FNTB: variants seen among roughly 807,000 people sequenced by gnomAD.
FNTB encodes the protein farnesyltransferase, CAAX box, subunit beta.
A neutral mutation model predicts 59.4 loss-of-function variants in FNTB; 27 were observed. That is an observed-to-expected ratio of 0.45 (90% confidence interval 0.34 to 0.63). FNTB has a LOEUF of 0.63. FNTB is among the 20% of genes least tolerant of loss of function. The pLI is 0.02. For missense variants in FNTB, 449 were observed against 559.6 expected, an observed-to-expected ratio of 0.80 and a Z score of 1.99; for synonymous variants, 230 against 220.7, an observed-to-expected ratio of 1.04 and a Z score of -0.37.
chr14:64,993,840 T>A (rs534673339), intron 1 of FNTB, among the ~76,000 whole-genome samples: 18 of 141,938 alleles, frequency 1.3e-4, no homozygotes, highest in African/African-American at 4.2e-4. Context: ...TTGGATTTCT[T>A]TTTTTTTTTC....
chr14:65,038,846 T>G (rs1230246244), intron 7 of FNTB, among the ~76,000 whole-genome samples: 1 of 152,246 alleles, frequency 6.6e-6, no homozygotes, highest in East Asian at 1.9e-4. Context: ...ATTTTTGTAA[T>G]CCTATTTTTA....
chr14:65,040,281 GTGTATA>G (rs2062316789), intron 7 of FNTB, among the ~76,000 whole-genome samples: 1 of 148,592 alleles, frequency 6.7e-6, no homozygotes, highest in Non-Finnish European at 1.5e-5. Flanking sequence ...ATATATATGT[GTGTATA>G]TATATATATG....
intron 4 of FNTB, 109 bp downstream of exon 4, chr14:65,015,825 C>A: frequency 7.8e-7 from 1 of 1,289,110 alleles, no homozygotes; most frequent in Non-Finnish European, 1.1e-6. Flanking sequence ...AACAGTGCCA[C>A]AAAGAAATCT....
chr14:65,005,449 TTTTCTTTCTTTCTTTCTTTCTTTC>T (rs71123898), intron 2 of FNTB, among the ~76,000 whole-genome samples: 8 of 119,912 alleles, frequency 6.7e-5, no homozygotes, highest in South Asian at 6.1e-4. Flanking sequence ...TCTTCCTTTC[TTTTCTTTCTTTCTTTCTTTCTTTC>T]TTTCTTTCTT....
At chr14:64,987,870 C>A (rs1171827938) in intron 1 of FNTB, among the ~76,000 whole-genome samples, 1 of 152,046 alleles carries the variant, frequency 6.6e-6, no homozygotes. Context: ...CTTCTTATTC[C>A]CTAATTGGAA....
rs1350488718 is a variant in FNTB, at chr14:65,044,952, C to G, written c.955+509C>G. Among the ~76,000 whole-genome samples, 1 of 152,170 alleles carries G rather than the reference C, an allele frequency of 6.6e-6. No homozygotes were observed. Among genetic ancestry groups the G allele is most frequent in the African/African-American group, 2.4e-5 (1 of 41,438 alleles). ...TGGAGAAGAGACTCGCCGTGTCTGA[C>G]TGGCTGCAGAGTTGTCACTATTAGA... On this transcript the variant is annotated intron_variant, in intron 9 of 11. Transcript: ENST00000246166. This position sits in a 1 kb window ranked among gnomAD's most constrained non-coding sequence, Gnocchi z 5.5.
At chr14:65,049,125 TAAAA>T (rs59771962) in intron 9 of FNTB, among the ~76,000 whole-genome samples, 6 of 139,722 alleles carry the variant, frequency 4.3e-5, no homozygotes, top group East Asian at 2.1e-4. Context: ...GGACTCCGTC[TAAAA>T]AAAAAAAAAA....
chr14:65,021,683 T>TC (rs1414801747), intron 4 of FNTB, among the ~76,000 whole-genome samples: 1 of 152,156 alleles, frequency 6.6e-6, no homozygotes, highest in African/African-American at 2.4e-5. Context: ...TCTTGCTGTG[T>TC]CCCCCAGGCT....
In FNTB at chr14:65,004,327, A is replaced by T. The variant is rs770136544; in HGVS notation, c.209+14A>T. The T allele has an allele frequency of 3.1e-6, 5 of 1,611,604 alleles. No homozygotes were observed. In the South Asian group the frequency reaches 3.3e-5, roughly 11 times the overall value. ...CCTTGTACCAAGGTAAGCTGTGGTTAGGAGTTTGAGGGGATCTGGGAGAAC... is the reference window on the plus strand; with the variant it reads ...CCTTGTACCAAGGTAAGCTGTGGTTTGGAGTTTGAGGGGATCTGGGAGAAC... On this transcript the variant is annotated intron_variant, in intron 2 of 11. Transcript: ENST00000246166.
intron 2 of FNTB, chr14:65,006,156 CTTTTTTT>C: frequency 6.7e-7 from 1 of 1,500,744 alleles, no homozygotes; most frequent in Non-Finnish European, 8.9e-7. Flanking sequence ...ACCTTTGTGT[CTTTTTTT>C]TTTTTTTTTT....
chr14:64,988,712 G>T (rs1422029670), intron 1 of FNTB, among the ~76,000 whole-genome samples: 1 of 152,124 alleles, frequency 6.6e-6, no homozygotes, highest in Non-Finnish European at 1.5e-5. Context: ...GATTACAGTC[G>T]TGAGCCACTG....
chr14:65,046,687 C>T (rs1443599565), intron 9 of FNTB, among the ~76,000 whole-genome samples: 1 of 151,910 alleles, frequency 6.6e-6, no homozygotes, highest in Non-Finnish European at 1.5e-5. Flanking sequence ...GAAAGGAGGG[C>T]AAAATACTGA....
At chr14:65,036,550 T>G (rs1169722217) in intron 7 of FNTB, among the ~76,000 whole-genome samples, 3 of 152,178 alleles carry the variant, frequency 2.0e-5, no homozygotes, top group Non-Finnish European at 4.4e-5. Flanking sequence ...AAATTTTATA[T>G]TAAGCAGAAA....
Position 65,009,538 on chromosome 14 carries a change from A to T in FNTB, c.210-2779A>T, listed in dbSNP as rs1458623885. On this transcript the variant is annotated intron_variant, in intron 2 of 11. Coordinates refer to ENST00000246166, the MANE Select transcript of FNTB (RefSeq NM_002028.4). The surrounding 1 kb of genome is among the most constrained non-coding windows in gnomAD (Gnocchi z 4.2). The stretch of plus-strand genomic sequence containing the variant: ...CCTATATTTCGCTAGCTTCGTACCC[A>T]TCATTTCTCGCTCAAAGAATGCAGC... Among the ~76,000 whole-genome samples, 1 of 152,006 alleles carries T rather than the reference A, an allele frequency of 6.6e-6. No individual in the cohort carries two copies. The highest frequency in any genetic ancestry group is 1.5e-5 in the Non-Finnish European group (1 of 67,996).
chr14:64,996,534 T>TCGCC (rs1447874249), intron 1 of FNTB, among the ~76,000 whole-genome samples: 1 of 152,178 alleles, frequency 6.6e-6, no homozygotes, highest in Non-Finnish European at 1.5e-5. Flanking sequence ...AGGTATAACA[T>TCGCC]TGTGTTGATG....
chr14:65,025,947 C>G (rs1476921399), intron 4 of FNTB, among the ~76,000 whole-genome samples: 1 of 152,214 alleles, frequency 6.6e-6, no homozygotes, highest in Non-Finnish European at 1.5e-5. Flanking sequence ...TTTCAGAACT[C>G]ACAGAGCAAG....
At chr14:65,048,711 C>T (rs2139659587) in intron 9 of FNTB, among the ~76,000 whole-genome samples, 1 of 151,792 alleles carries the variant, frequency 6.6e-6, no homozygotes, top group South Asian at 2.1e-4. Flanking sequence ...AACAGTTAAC[C>T]AGACATGGTG....
chr14:65,044,323 A>C lies in FNTB; in HGVS notation c.835A>C (p.Ser279Arg), dbSNP rs1450003033. ...NLKSLLQWVTSRQMRFEGGFQ... is the reference protein window; with the variant it reads ...NLKSLLQWVTRRQMRFEGGFQ... Reference sequence around the variant, plus strand: ...TGTGTCTCCTCAGCAATGGGTGACAAGCCGGCAGATGCGATTTGAAGGAGG... The same window carrying C: ...TGTGTCTCCTCAGCAATGGGTGACACGCCGGCAGATGCGATTTGAAGGAGG... Residue 279 changes from serine to arginine, a missense_variant, in exon 9 of 12, where the codon AGC (serine) becomes CGC (arginine). By Grantham distance (110) the Ser-to-Arg change is moderately radical. Transcript: ENST00000246166. This position sits in a 1 kb window ranked among gnomAD's most constrained non-coding sequence, Gnocchi z 5.5. 1 of 1,613,378 alleles carries C rather than the reference A, an allele frequency of 6.2e-7. No individual in the cohort carries two copies. Among genetic ancestry groups the C allele is most frequent in the Admixed American group, 1.7e-5 (1 of 59,850 alleles).
In FNTB at chr14:65,011,667, G is replaced by A. The variant is rs905426812; in HGVS notation, c.210-650G>A. On this transcript the variant is annotated intron_variant, in intron 2 of 11. Transcript: ENST00000246166. This position sits in a 1 kb window ranked among gnomAD's most constrained non-coding sequence, Gnocchi z 4.0. The stretch of plus-strand genomic sequence containing the variant: ...GAAAGAAGTGCAGCCTCTGTGCTTT[G>A]CCCGGCCTGTGCAGGTGGCCATGGG... Among the ~76,000 whole-genome samples, 4 of 152,184 alleles carry A rather than the reference G, an allele frequency of 2.6e-5. No homozygotes were observed. The highest frequency in any genetic ancestry group is 7.2e-5 in the African/African-American group (3 of 41,442).
Sources: gnomAD v4.1 joint callset for allele counts (sites outside exome capture counted in the v4.1 genomes callset) on GRCh38, gnomAD v4.1.1 for gene constraint, Gnocchi (gnomAD v3.1) non-coding constraint, MANE v1.5 for transcripts, NCBI Gene and HGNC (gene_info 2026-07-23, HGNC 2026-07-21) for gene names.